DNAH3: variants seen among roughly 807,000 people sequenced by gnomAD.
The protein encoded by DNAH3 is axonemal beta dynein heavy chain 3.
DNAH3 carries 332 observed loss-of-function variants against 432.5 expected under a neutral mutation model. That is an observed-to-expected ratio of 0.77 (90% confidence interval 0.70 to 0.84). The LOEUF (loss-of-function observed/expected upper bound fraction) is 0.84, where lower values mean the gene tolerates loss of function less well. Ranked by LOEUF, DNAH3 falls within the 40% of genes least tolerant of loss-of-function variation. DNAH3 has a pLI of 0.00. For synonymous variants in DNAH3, 1,956 were observed against 1,900.2 expected (o/e 1.03, Z -0.76); for missense variants, 4,861 against 5,114.0 (o/e 0.95, Z 1.51).
intron 1 of DNAH3, among the ~76,000 whole-genome samples, chr16:21,146,770 T>TC (rs886389148): frequency 1.3e-4 from 20 of 151,588 alleles, no homozygotes; most frequent in African/African-American, 4.4e-4. Flanking sequence ...TTTCTTTCTT[T>TC]TTTTTTTTGA....
intron 60 of DNAH3, among the ~76,000 whole-genome samples, chr16:20,936,213 C>T (rs924037231): frequency 5.9e-5 from 9 of 151,658 alleles, no homozygotes; most frequent in African/African-American, 1.2e-4. Context: ...AGTGAAATGG[C>T]GTGATCTCGG....
chr16:21,016,354 A>G (rs911151787), intron 41 of DNAH3, among the ~76,000 whole-genome samples: 2 of 152,254 alleles, frequency 1.3e-5, no homozygotes, highest in African/African-American at 4.8e-5. Context: ...AGACACATAC[A>G]TGCATAAGAA....
At chr16:21,019,904 G>A (rs781443863) in intron 40 of DNAH3, 35 bp from the exon 41 acceptor site, 5 of 1,607,188 alleles carry the variant, frequency 3.1e-6, no homozygotes, top group Admixed American at 3.4e-5. Context: ...AGGACAGAGT[G>A]CAGAATGCCA....
intron 26 of DNAH3, among the ~76,000 whole-genome samples, chr16:21,058,652 G>A (rs911997178): frequency 2.6e-5 from 4 of 152,080 alleles, no homozygotes; most frequent in Admixed American, 6.6e-5. Flanking sequence ...AAATACAGCC[G>A]CAGCATACAA....
At chr16:21,094,545 C>A (rs976544853) in intron 18 of DNAH3, among the ~76,000 whole-genome samples, 4 of 151,994 alleles carry the variant, frequency 2.6e-5, no homozygotes, top group African/African-American at 9.7e-5. Context: ...GTGGCATGCT[C>A]CTGTAATCCC....
At chr16:20,944,791 AC>A in intron 57 of DNAH3, 128 bp from the exon 58 acceptor site, 2 of 827,104 alleles carry the variant, frequency 2.4e-6, no homozygotes, top group Admixed American at 2.2e-5. Flanking sequence ...ACACACACAC[AC>A]ACACACACAC....
chr16:21,023,041 C>T (rs2088333394), intron 39 of DNAH3, among the ~76,000 whole-genome samples: 2 of 152,214 alleles, frequency 1.3e-5, no homozygotes, highest in Non-Finnish European at 2.9e-5. Flanking sequence ...AGCCACCACG[C>T]TCAGCCTCTT....
At chr16:21,101,171 C>G (rs552125168) in intron 16 of DNAH3, among the ~76,000 whole-genome samples, 1 of 152,152 alleles carries the variant, frequency 6.6e-6, no homozygotes, top group Non-Finnish European at 1.5e-5. Flanking sequence ...TCACATTAGT[C>G]CACAGTTATC....
chr16:21,008,769 G>T (rs2152699325), intron 41 of DNAH3, among the ~76,000 whole-genome samples: 1 of 152,296 alleles, frequency 6.6e-6, no homozygotes, highest in East Asian at 1.9e-4. Context: ...TAGCAAGACA[G>T]AGGGGTGGCA....
Position 20,937,529 on chromosome 16 carries a change from C to CTTTTTTTTTTTTTTTTTTTTTTGTTTTT in DNAH3, c.11655-677_11655-676insAAAAACAAAAAAAAAAAAAAAAAAAAAA, listed in dbSNP as rs71377696. On this transcript the variant is annotated intron_variant, in intron 59 of 61. Transcript: ENST00000261383. ...TTCAATTCATATTGTCAAAGTTGTT[C>CTTTTTTTTTTTTTTTTTTTTTTGTTTTT]TTTTTTTTTTTTTTTTTTTGAGACA... 1.6e-5 allele frequency among the ~76,000 whole-genome samples: 2 copies of CTTTTTTTTTTTTTTTTTTTTTTGTTTTT among 121,342 alleles called. 1 individual carries two copies. The allele number at this position is 121,342 out of a possible 152,430, so 79.6% of individuals were successfully genotyped here. A position where few individuals can be genotyped will look rare whatever the true frequency, so the allele number is the denominator to read the frequency against.
rs368030121 is a variant in DNAH3 at position 21,019,214 on chromosome 16, T to C, written c.6022+410A>G. On this transcript the variant is annotated intron_variant, in intron 41 of 61. Transcript: ENST00000261383. ...CTCTGTTGCTCAGGCTGGAGTACAG[T>C]GGCATGATCTCAGCTCACTGCAACC... The C allele has an allele frequency of 2.5e-4, 40 of 158,508 alleles. No individual in the cohort carries two copies. The East Asian group carries it at 3.7e-3, about 15-fold the overall frequency. The allele number at this position is 158,508 out of a possible 1,614,324, so 9.8% of individuals were successfully genotyped here.
intron 46 of DNAH3, 119 bp downstream of exon 46, chr16:20,987,574 C>T: frequency 6.5e-7 from 1 of 1,535,024 alleles, no homozygotes; most frequent in African/African-American, 1.4e-5. Flanking sequence ...AAATGCTTAG[C>T]ACAATGCCTA....
intron 7 of DNAH3, among the ~76,000 whole-genome samples, chr16:21,130,617 T>C (rs149209511): frequency 1.4e-4 from 21 of 152,268 alleles, no homozygotes; most frequent in Non-Finnish European, 2.9e-5. Flanking sequence ...TCATTGCTGA[T>C]TTTTTTGGTT....
At chr16:21,147,749 T>C (rs1465898092) in intron 1 of DNAH3, among the ~76,000 whole-genome samples, 1 of 152,210 alleles carries the variant, frequency 6.6e-6, no homozygotes, top group African/African-American at 2.4e-5. Flanking sequence ...CACTCTCAGA[T>C]TCCAAGTGAC....
At chr16:20,989,064 G>A (rs1032118970) in intron 44 of DNAH3, among the ~76,000 whole-genome samples, 2 of 152,202 alleles carry the variant, frequency 1.3e-5, no homozygotes, top group African/African-American at 2.4e-5. Flanking sequence ...TTACTGCAAA[G>A]AGCGAAAGAA....
chr16:20,961,545 TA>T lies in DNAH3; in HGVS notation c.10600+1738del, dbSNP rs571341424. Among the ~76,000 whole-genome samples, 184 of 151,082 alleles carry T rather than the reference TA, an allele frequency of 1.2e-3. 2 individuals are homozygous for T. The South Asian group carries it at 0.015, about 12-fold the overall frequency. On this transcript the variant is annotated intron_variant, in intron 53 of 61. Coordinates refer to ENST00000261383, the Ensembl canonical transcript of DNAH3. ...TAAAATAAAATAAAATAAAATAAAATAAAATGCGTTCATTAGAGTGGGCCTT... is the reference window on the plus strand; with the variant it reads ...TAAAATAAAATAAAATAAAATAAAATAAATGCGTTCATTAGAGTGGGCCTT...
At chr16:20,957,599 G>T (rs1055009420) in intron 54 of DNAH3, among the ~76,000 whole-genome samples, 31 of 151,832 alleles carry the variant, frequency 2.0e-4, no homozygotes, top group African/African-American at 7.3e-5. Flanking sequence ...GATCACCTAA[G>T]GTTGGGAGTT....
rs376710159 is a variant in DNAH3, at chr16:20,985,719, T to C, written c.7027-4A>G. ...TGGGTGACAAGTGGATAAGCACCTG[T>C]AAGAAAAGTAAATCTCGGCGGGGCA... On this transcript the variant is annotated splice_polypyrimidine_tract_variant and splice_region_variant and intron_variant, in intron 47 of 61. Coordinates refer to ENST00000261383, the Ensembl canonical transcript of DNAH3. The C allele has an allele frequency of 6.2e-6, 10 of 1,609,508 alleles. No individual in the cohort carries two copies. The African/African-American group carries it at 8.0e-5, about 13-fold the overall frequency.
chr16:21,033,930 C>G, intron 36 of DNAH3, 44 bp downstream of exon 36: 1 of 1,407,834 alleles, frequency 7.1e-7, no homozygotes, highest in Non-Finnish European at 1.0e-6. Flanking sequence ...GCCAACTGAG[C>G]GAGGAGTTCT....
Sources: allele counts gnomAD v4.1 joint callset (sites outside exome capture counted in the v4.1 genomes callset), GRCh38; gene constraint gnomAD v4.1.1; transcripts MANE v1.5; gene names NCBI Gene and HGNC (gene_info 2026-07-23, HGNC 2026-07-21).